The following GIPR variants were observed in gnomAD, a reference collection of about 807,000 sequenced individuals.
GIPR encodes the protein gastric inhibitory polypeptide receptor.
GIPR carries 74 observed loss-of-function variants against 62.2 expected under a neutral mutation model. The observed-to-expected ratio is 1.19, with a 90% CI of 0.99 to 1.44. The LOEUF (loss-of-function observed/expected upper bound fraction) is 1.44, where lower values mean the gene tolerates loss of function less well. Ranked by LOEUF, GIPR falls within the 40% of genes most tolerant of loss-of-function variation. GIPR has a pLI of 0.00. For synonymous variants in GIPR, 256 were observed against 262.2 expected (o/e 0.98, Z 0.23); for missense variants, 664 against 611.8 (o/e 1.09, Z -0.90).
Position 45,670,710 on chromosome 19 carries a change from T to C in GIPR, c.148T>C (p.Leu50=), listed in dbSNP as rs1306948325. The C allele has an allele frequency of 6.2e-7, 1 of 1,609,132 alleles. No individual in the cohort carries two copies. Among genetic ancestry groups the C allele is most frequent in the Non-Finnish European group, 8.5e-7 (1 of 1,177,762 alleles). Residue 50 remains leucine (L), a synonymous_variant, in exon 3 of 14, where the codon TTG becomes CTG. Transcript: ENST00000590918. ...GTACCGCAGGGAGTGCCAGGAGACC[T>C]TGGCAGCCGCGGAACCGCCTTCAGG... ...ERYRRECQET[L]AAAEPPSGLA...
rs1162934288 is a variant in GIPR, at chr19:45,674,113, A to T, written c.424A>T (p.Thr142Ser). ...CTTGGAGCGGTTGCAGGTCATGTAC[A>T]CTGTCGGCTACTCCCTGTCTCTCGC... Reference protein sequence around the residue: ...LILERLQVMYTVGYSLSLATL... With the variant: ...LILERLQVMYSVGYSLSLATL... The change falls in exon 6 of 14, where the codon ACT (threonine) becomes TCT (serine). Residue 142 changes from threonine (T) to serine (S), a missense_variant. Thr to Ser is a moderately conservative substitution (Grantham distance 58). Coordinates refer to ENST00000590918, the MANE Select transcript of GIPR (RefSeq NM_000164.4). The T allele has an allele frequency of 6.2e-7, 1 of 1,613,674 alleles. No homozygotes were observed.
chr19:45,674,487 T>C, intron 6 of GIPR, 195 bp from the exon 7 acceptor site: 5 of 642,498 alleles, frequency 7.8e-6, no homozygotes, highest in Non-Finnish European at 1.1e-5. Flanking sequence ...GCACCTGTGG[T>C]ACCAGCTATA....
intron 12 of GIPR, among the ~76,000 whole-genome samples, chr19:45,679,869 G>A (rs539954287): frequency 1.2e-3 from 185 of 151,870 alleles, no homozygotes; most frequent in African/African-American, 4.2e-3. Flanking sequence ...TCCCAGATTC[G>A]AGCGATTCTC....
In GIPR at chr19:45,682,054, C is replaced by T. The variant is rs1454412436; in HGVS notation, c.*119C>T. ...AAGGAAACAGAAAAAAGGTCCCTGC[C>T]CTTCTGGAGATGACAACTGAGTGGG... On this transcript the variant is annotated 3_prime_UTR_variant, in exon 14 of 14. Coordinates refer to ENST00000590918, the MANE Select transcript of GIPR (RefSeq NM_000164.4). The T allele has an allele frequency of 1.2e-6, 1 of 849,256 alleles. No homozygotes were observed. Among genetic ancestry groups the T allele is most frequent in the Non-Finnish European group, 1.9e-6 (1 of 521,650 alleles). The allele number at this position is 849,256 out of a possible 1,614,324, so 52.6% of individuals were successfully genotyped here. A position where few individuals can be genotyped will look rare whatever the true frequency, so the allele number is the denominator to read the frequency against.
intron 2 of GIPR, chr19:45,670,125 G>C (rs1975458654): frequency 6.4e-6 from 1 of 155,090 alleles, no homozygotes; most frequent in Non-Finnish European, 1.4e-5. Context: ...CCGTCTCCCG[G>C]GTTCAAGCGA....
At chr19:45,669,400 G>C (rs1975419308) in intron 1 of GIPR, 77 bp from the exon 2 acceptor site, 2 of 1,410,796 alleles carry the variant, frequency 1.4e-6, no homozygotes, top group South Asian at 2.5e-5. Context: ...GCCCCTGTGT[G>C]TGAATCCCTG....
Position 45,681,986 on chromosome 19 carries a change from A to T in GIPR, c.*51A>T. On this transcript the variant is annotated 3_prime_UTR_variant, in exon 14 of 14. Coordinates refer to ENST00000590918, the MANE Select transcript of GIPR (RefSeq NM_000164.4). Reference sequence around the variant, plus strand: ...GTTAGCATGGATTTATTGAGTGCCAACTGCGTGCCAGGCCCAGTACGGAGG... The same window carrying T: ...GTTAGCATGGATTTATTGAGTGCCATCTGCGTGCCAGGCCCAGTACGGAGG... 6.9e-7 allele frequency: 1 copy of T among 1,442,896 alleles called. No individual in the cohort carries two copies. The highest frequency in any genetic ancestry group is 1.2e-5 in the South Asian group (1 of 81,460). 89.4% of individuals were successfully genotyped at this position (1,442,896 alleles called of 1,614,324 possible).
At chr19:45,675,005 A>G (rs1337629715) in intron 7 of GIPR, 179 bp downstream of exon 7, 3 of 660,722 alleles carry the variant, frequency 4.5e-6, no homozygotes, top group Non-Finnish European at 5.5e-6. Context: ...GAACCTCCCA[A>G]CTCGGCCTCT....
chr19:45,674,041 GCCTTGT>G, intron 5 of GIPR, 27 bp from the exon 6 acceptor site: 1 of 1,305,476 alleles, frequency 7.7e-7, no homozygotes, highest in Non-Finnish European at 1.1e-6. Flanking sequence ...TTCGAGCCAA[GCCTTGT>G]TCCCTTCCCC....
intron 4 of GIPR, among the ~76,000 whole-genome samples, 169 bp downstream of exon 4, chr19:45,671,561 C>T (rs568018923): frequency 6.6e-6 from 1 of 152,196 alleles, no homozygotes; most frequent in African/African-American, 2.4e-5. Flanking sequence ...TCCAACCCTG[C>T]CTATCTCACA....
intron 2 of GIPR, 50 bp downstream of exon 2, chr19:45,669,642 G>T: frequency 6.5e-7 from 1 of 1,543,022 alleles, no homozygotes; most frequent in East Asian, 2.4e-5. Context: ...GGAGGTATGG[G>T]GACGGTTTTA....
In GIPR at chr19:45,672,558, G is replaced by A. The variant is rs766583670; in HGVS notation, c.281-293G>A. ...TTGACCTTGTGATCCACCTGTCTTG[G>A]CCTCCCAAAGTGCTGGGATTACAGG... is the stretch of plus-strand genomic sequence containing the variant. On this transcript the variant is annotated intron_variant, in intron 4 of 13. Transcript: ENST00000590918. 11 of 370,562 alleles carry A rather than the reference G, an allele frequency of 3.0e-5. 1 individual carries two copies. Among genetic ancestry groups the A allele is most frequent in the South Asian group, 2.4e-4 (11 of 46,752 alleles). The allele number at this position is 370,562 out of a possible 1,614,324, so 23.0% of individuals were successfully genotyped here. A position where few individuals can be genotyped will look rare whatever the true frequency, so the allele number is the denominator to read the frequency against.
chr19:45,677,766 T>G lies in GIPR; in HGVS notation c.911T>G (p.Leu304Arg), dbSNP rs373040041. The G allele has an allele frequency of 1.4e-4, 219 of 1,613,020 alleles. No homozygotes were observed. In the Middle Eastern group the frequency reaches 2.0e-3, roughly 15 times the overall value. ...TGGTGGATTATACGGACCCCCATCC[T>G]CATGACCATCTTGGTAGGATCGGTC... is the stretch of plus-strand genomic sequence containing the variant. ...AIWWIIRTPI[L>R]MTILINFLIF... Residue 304 changes from leucine to arginine, a missense_variant, in exon 10 of 14, where the codon CTC becomes CGC. Transcript: ENST00000590918.
In GIPR at chr19:45,681,613, G is replaced by A. The variant is rs746666145; in HGVS notation, c.1162G>A (p.Val388Ile). 1 of 1,613,938 alleles carries A rather than the reference G, an allele frequency of 6.2e-7. No individual in the cohort carries two copies. Among genetic ancestry groups the A allele is most frequent in the Non-Finnish European group, 8.5e-7 (1 of 1,179,998 alleles). The change falls in exon 13 of 14, where the codon GTC becomes ATC. Residue 388 changes from valine (V) to isoleucine (I), a missense_variant. Coordinates refer to ENST00000590918, the MANE Select transcript of GIPR (RefSeq NM_000164.4). The part of the protein sequence containing the change: ...IFLSSFQGFL[V>I]SVLYCFINKE... ...CGCCTCCTCTGGGCAGGGCTTCCTGGTCAGCGTCCTCTACTGCTTCATCAA... is the reference window on the plus strand; with the variant it reads ...CGCCTCCTCTGGGCAGGGCTTCCTGATCAGCGTCCTCTACTGCTTCATCAA...
chr19:45,671,499 T>A, intron 4 of GIPR, 107 bp downstream of exon 4: 1 of 744,178 alleles, frequency 1.3e-6, no homozygotes, highest in Admixed American at 1.9e-5. Context: ...ACCCCTCTCC[T>A]GCTCCTCTTT....
intron 12 of GIPR, among the ~76,000 whole-genome samples, chr19:45,678,863 G>A (rs1967092716): frequency 6.6e-6 from 1 of 152,190 alleles, no homozygotes; most frequent in African/African-American, 2.4e-5. Context: ...CTTCACCTCA[G>A]GGTTGAGGGT....
In GIPR at chr19:45,677,699, G is replaced by A; in HGVS notation, c.855-11G>A. ...TTTTTCTATCTCTTAGCTCTACTCC[G>A]CCTTCCCCAGGTGCTGGGAGCGCAA... On this transcript the variant is annotated splice_polypyrimidine_tract_variant and intron_variant, in intron 9 of 13. Transcript: ENST00000590918. 6.2e-7 allele frequency: 1 copy of A among 1,608,390 alleles called. No individual in the cohort carries two copies. The highest frequency in any genetic ancestry group is 1.1e-5 in the South Asian group (1 of 90,994).
chr19:45,669,175 G>C (rs758975348), intron 1 of GIPR, among the ~76,000 whole-genome samples: 19 of 152,124 alleles, frequency 1.2e-4, no homozygotes, highest in Admixed American at 1.0e-3. Flanking sequence ...GTAGCTCTAG[G>C]GCAACCGCCC....
Position 45,677,281 on chromosome 19 carries a change from C to T in GIPR, c.794-42C>T, listed in dbSNP as rs758299773. 365 of 1,399,116 alleles carry T rather than the reference C, an allele frequency of 2.6e-4. 1 individual carries two copies. Among genetic ancestry groups the T allele is most frequent in the Non-Finnish European group, 1.6e-4 (159 of 1,019,874 alleles). The allele number at this position is 1,399,116 out of a possible 1,614,324, so 86.7% of individuals were successfully genotyped here. Reference sequence around the variant, plus strand: ...CTGGCGGGGCCCGTGAGCGCGCTGACAGCTGCGGCGGGGTGGGGGGGCGGG... The same window carrying T: ...CTGGCGGGGCCCGTGAGCGCGCTGATAGCTGCGGCGGGGTGGGGGGGCGGG... On this transcript the variant is annotated intron_variant, in intron 8 of 13. Coordinates refer to ENST00000590918, the MANE Select transcript of GIPR (RefSeq NM_000164.4).
Sources: allele counts gnomAD v4.1 joint callset (sites outside exome capture counted in the v4.1 genomes callset), GRCh38; gene constraint gnomAD v4.1.1; transcripts MANE v1.5; gene names NCBI Gene and HGNC (gene_info 2026-07-23, HGNC 2026-07-21).